The following RIPPLY3 variants were observed in gnomAD, a reference collection of about 807,000 sequenced individuals.
The protein encoded by RIPPLY3 is protein ripply3.
RIPPLY3 carries 8 observed loss-of-function variants against 11.9 expected under a neutral mutation model. That is an observed-to-expected ratio of 0.67 (90% confidence interval 0.40 to 1.21). The LOEUF (loss-of-function observed/expected upper bound fraction) is 1.21. Among genes scored for constraint, RIPPLY3 ranks in the 50% most tolerant of loss-of-function variants. RIPPLY3 has a pLI of 0.01. For synonymous variants in RIPPLY3, 102 were observed against 99.0 expected (o/e 1.03, Z -0.18); for missense variants, 271 against 246.0 (o/e 1.10, Z -0.68).
intron 3 of RIPPLY3, among the ~76,000 whole-genome samples, chr21:37,017,254 A>C (rs146493484): frequency 3.0e-4 from 46 of 151,522 alleles, no homozygotes; most frequent in African/African-American, 1.0e-3. Context: ...GGGGTTCCAA[A>C]TTTTACATAC....
chr21:37,016,853 A>AAG (rs988025082), intron 3 of RIPPLY3, among the ~76,000 whole-genome samples: 1 of 151,858 alleles, frequency 6.6e-6, no homozygotes, highest in Non-Finnish European at 1.5e-5. Flanking sequence ...GAAAGAAAGT[A>AAG]AGTGAAGGAT....
At chr21:37,015,989 C>T (rs555601713) in intron 3 of RIPPLY3, among the ~76,000 whole-genome samples, 2 of 151,364 alleles carry the variant, frequency 1.3e-5, no homozygotes, top group African/African-American at 4.8e-5. Context: ...GCTGAGATTA[C>T]AGACATGAGC....
chr21:37,017,782 G>A (rs2069593250), intron 3 of RIPPLY3, 92 bp from the exon 4 acceptor site: 3 of 961,874 alleles, frequency 3.1e-6, no homozygotes, highest in Admixed American at 2.7e-5. Context: ...GAAGACTGGG[G>A]AGTTCTCTGC....
At chr21:37,013,481 T>C in intron 2 of RIPPLY3, 70 bp from the exon 3 acceptor site, 1 of 1,390,262 alleles carries the variant, frequency 7.2e-7, no homozygotes, top group Non-Finnish European at 1.0e-6. Context: ...TTCTGTGGTT[T>C]AAAACCTCAG....
Position 37,018,288 on chromosome 21 carries a change from A to AGGGATGCGTAGTG in RIPPLY3, c.*81_*82insGGGATGCGTAGTG. 2 of 1,207,482 alleles carry AGGGATGCGTAGTG rather than the reference A, an allele frequency of 1.7e-6. No individual in the cohort carries two copies. The highest frequency in any genetic ancestry group is 2.4e-6 in the Non-Finnish European group (2 of 827,202). The allele number at this position is 1,207,482 out of a possible 1,614,324, so 74.8% of individuals were successfully genotyped here. A position where few individuals can be genotyped will look rare whatever the true frequency, so the allele number is the denominator to read the frequency against. ...GGACACCCGAGCCAGGACACTACGC[A>AGGGATGCGTAGTG]TCCCTGCTGAGTGTGCAGAGGCTAG... On this transcript the variant is annotated 3_prime_UTR_variant, in exon 4 of 4. Transcript: ENST00000329553.
chr21:37,014,932 T>G (rs1019483531), intron 3 of RIPPLY3, among the ~76,000 whole-genome samples: 1 of 152,212 alleles, frequency 6.6e-6, no homozygotes, highest in Non-Finnish European at 1.5e-5. Flanking sequence ...CTCACTATAT[T>G]GCCCAGACTG....
At chr21:37,006,518 C>T (rs1488260238), upstream of RIPPLY3, 3 of 338,408 alleles carry the variant, frequency 8.9e-6, no homozygotes, top group Non-Finnish European at 1.6e-5. The surrounding 1 kb of genome is among the most constrained non-coding windows in gnomAD (Gnocchi z 5.2). Flanking sequence ...TCCCCATCCC[C>T]GGCTCCCTGG....
intron 3 of RIPPLY3, among the ~76,000 whole-genome samples, chr21:37,016,568 C>T (rs1205282409): frequency 1.3e-5 from 2 of 152,004 alleles, no homozygotes; most frequent in Admixed American, 6.6e-5. Context: ...CATGGTGGCT[C>T]ATACCTGTAA....
chr21:37,017,866 A>C lies in RIPPLY3; in HGVS notation c.240-8A>C. 1 of 1,593,488 alleles carries C rather than the reference A, an allele frequency of 6.3e-7. No homozygotes were observed. The highest frequency in any genetic ancestry group is 8.6e-7 in the Non-Finnish European group (1 of 1,168,976). ...TGATTAATGGTATATTTGTTTCTTA[A>C]ATATTAGAGTCTATTTACCCATGTC... On this transcript the variant is annotated splice_region_variant and splice_polypyrimidine_tract_variant and intron_variant, in intron 3 of 3. Transcript: ENST00000329553.
chr21:37,006,263 G>A (rs909018054), upstream of RIPPLY3: 1 of 152,578 alleles, frequency 6.6e-6, no homozygotes, highest in Non-Finnish European at 1.5e-5. The surrounding 1 kb of genome is among the most constrained non-coding windows in gnomAD (Gnocchi z 5.2). Flanking sequence ...GTCCCCGAGG[G>A]AGTGCGCCCG....
Position 37,018,170 on chromosome 21 carries a change from T to A in RIPPLY3, c.536T>A (p.Val179Asp). 1 of 1,613,838 alleles carries A rather than the reference T, an allele frequency of 6.2e-7. No individual in the cohort carries two copies. Among genetic ancestry groups the A allele is most frequent in the Non-Finnish European group, 8.5e-7 (1 of 1,179,898 alleles). Reference sequence around the variant, plus strand: ...GGGGAGGGTCCGCTCCCTCAAGGTGTCTCCTCAAGGGGTGGCAAGTGCTCC... The same window carrying A: ...GGGGAGGGTCCGCTCCCTCAAGGTGACTCCTCAAGGGGTGGCAAGTGCTCC... ...HWGEGPLPQGVSSRGGKCSSS... is the reference protein window; with the variant it reads ...HWGEGPLPQGDSSRGGKCSSS... Residue 179 changes from valine to aspartate, a missense_variant, in exon 4 of 4, where the codon GTC becomes GAC. By Grantham distance (152) the Val-to-Asp change is radical. Coordinates refer to ENST00000329553, the MANE Select transcript of RIPPLY3 (RefSeq NM_018962.3).
At chr21:37,009,794 T>A (rs948810699) in intron 2 of RIPPLY3, among the ~76,000 whole-genome samples, 5 of 152,236 alleles carry the variant, frequency 3.3e-5, no homozygotes, top group Non-Finnish European at 7.3e-5. Flanking sequence ...ACTTTCTCGC[T>A]GATCAGCAGG....
In RIPPLY3 at chr21:37,017,997, C is replaced by T. The variant is rs138756839; in HGVS notation, c.363C>T (p.Ser121=). The T allele has an allele frequency of 1.9e-3, 3,066 of 1,614,092 alleles. 5 individuals are homozygous for T. The highest frequency in any genetic ancestry group is 2.5e-3 in the Non-Finnish European group (2,925 of 1,180,022). Residue 121 remains serine, a synonymous_variant, in exon 4 of 4, where the codon TCC becomes TCT. Transcript: ENST00000329553. Reference sequence around the variant, plus strand: ...ACGATGAGTCTACTGAGTCTGCTTCCGAAGCTGAAGAGCCAGAGGAAGGAC... The same window carrying T: ...ACGATGAGTCTACTGAGTCTGCTTCTGAAGCTGAAGAGCCAGAGGAAGGAC... ...FYDDESTESA[S]EAEEPEEGPP...
In RIPPLY3 at chr21:37,018,502, A is replaced by G. The variant is rs1156898906; in HGVS notation, c.*295A>G. Reference sequence around the variant, plus strand: ...AGCCAGTTTTCAAAGCTCCTTCTGCATTGTCACTCACTGATCAGGTGATGA... The same window carrying G: ...AGCCAGTTTTCAAAGCTCCTTCTGCGTTGTCACTCACTGATCAGGTGATGA... On this transcript the variant is annotated 3_prime_UTR_variant, in exon 4 of 4. Coordinates refer to ENST00000329553, the MANE Select transcript of RIPPLY3 (RefSeq NM_018962.3). 9 of 388,078 alleles carry G rather than the reference A, an allele frequency of 2.3e-5. No homozygotes were observed. Among genetic ancestry groups the G allele is most frequent in the East Asian group, 5.0e-5 (1 of 20,106 alleles). 24.0% of individuals were successfully genotyped at this position (388,078 alleles called of 1,614,324 possible).
At chr21:37,010,717 G>A (rs1292915651) in intron 2 of RIPPLY3, among the ~76,000 whole-genome samples, 1 of 152,144 alleles carries the variant, frequency 6.6e-6, no homozygotes, top group Non-Finnish European at 1.5e-5. Context: ...GGGACTGTTT[G>A]TTCTTCTGGG....
In RIPPLY3 at chr21:37,018,960, C is replaced by T. The variant is rs1367001431; in HGVS notation, c.*753C>T. 6.6e-6 allele frequency: 1 copy of T among 151,574 alleles called. No individual in the cohort carries two copies. The highest frequency in any genetic ancestry group is 1.5e-5 in the Non-Finnish European group (1 of 67,964). The allele number at this position is 151,574 out of a possible 1,614,324, so 9.4% of individuals were successfully genotyped here. A position where few individuals can be genotyped will look rare whatever the true frequency, so the allele number is the denominator to read the frequency against. On this transcript the variant is annotated 3_prime_UTR_variant, in exon 4 of 4. Coordinates refer to ENST00000329553, the MANE Select transcript of RIPPLY3 (RefSeq NM_018962.3). The stretch of plus-strand genomic sequence containing the variant: ...CCACCCGCCTTGGCCTCCCAAAGTG[C>T]TGGGATTACAGGCGTGAGCCACTGA...
upstream of RIPPLY3, chr21:37,006,698 G>C (rs1160256114): frequency 2.0e-6 from 2 of 981,292 alleles, no homozygotes; most frequent in Admixed American, 4.4e-5. The surrounding 1 kb of genome is among the most constrained non-coding windows in gnomAD (Gnocchi z 5.2). Context: ...GGGTAGGTGA[G>C]CGCGTTAGCC....
chr21:37,016,619 C>T (rs1035778691), intron 3 of RIPPLY3, among the ~76,000 whole-genome samples: 1 of 152,086 alleles, frequency 6.6e-6, no homozygotes, highest in Non-Finnish European at 1.5e-5. Context: ...ATCACTTGAG[C>T]TCAGGAGTTG....
Position 37,018,275 on chromosome 21 carries a change from C to G in RIPPLY3, c.*68C>G. The G allele has an allele frequency of 7.5e-7, 1 of 1,336,856 alleles. No individual in the cohort carries two copies. Among genetic ancestry groups the G allele is most frequent in the Non-Finnish European group, 1.1e-6 (1 of 938,310 alleles). The allele number at this position is 1,336,856 out of a possible 1,614,324, so 82.8% of individuals were successfully genotyped here. A position where few individuals can be genotyped will look rare whatever the true frequency, so the allele number is the denominator to read the frequency against. On this transcript the variant is annotated 3_prime_UTR_variant, in exon 4 of 4. Transcript: ENST00000329553. ...CACGTTCTCTTGGGGACACCCGAGC[C>G]AGGACACTACGCATCCCTGCTGAGT...
Sources: allele counts gnomAD v4.1 joint callset (sites outside exome capture counted in the v4.1 genomes callset), GRCh38; gene constraint gnomAD v4.1.1; non-coding constraint Gnocchi (gnomAD v3.1); transcripts MANE v1.5; gene names NCBI Gene and HGNC (gene_info 2026-07-23, HGNC 2026-07-21).